The following CFAP410 variants were observed in gnomAD, a reference collection of about 807,000 sequenced individuals.
The protein encoded by CFAP410 is cilia and flagella associated protein 410, also known as cilia- and flagella-associated protein 410.
In CFAP410, 27 loss-of-function variants were observed where a neutral mutation model predicts 25.7. The ratio of observed to expected loss-of-function variants is 1.05; its 90% CI spans 0.77 to 1.45. The LOEUF (loss-of-function observed/expected upper bound fraction) is 1.45, where lower values mean the gene tolerates loss of function less well. Among genes scored for constraint, CFAP410 ranks in the 40% most tolerant of loss-of-function variants. The pLI, the probability that CFAP410 is intolerant of heterozygous loss-of-function variation, is 0.00. For synonymous variants in CFAP410, 178 were observed against 158.4 expected (o/e 1.12, Z -0.93); for missense variants, 428 against 354.1 (o/e 1.21, Z -1.67).
rs1043332223 is a variant in CFAP410 at position 44,338,319 on chromosome 21, C to A, written c.78-652G>T. ...GCCTGCACGGTGAGGCCAGTTGACA[C>A]GGCGCGGTCACTCTGCTGAGTCCCC... On this transcript the variant is annotated intron_variant, in intron 1 of 6. Coordinates refer to ENST00000339818, the MANE Select transcript of CFAP410 (RefSeq NM_004928.3). 14 of 1,289,278 alleles carry A rather than the reference C, an allele frequency of 1.1e-5. No homozygotes were observed. The African/African-American group carries it at 1.7e-4, about 15-fold the overall frequency. 79.9% of individuals were successfully genotyped at this position (1,289,278 alleles called of 1,614,324 possible).
intron 3 of CFAP410, chr21:44,333,642 T>G (rs2047694537): frequency 3.0e-6 from 1 of 328,774 alleles, no homozygotes; most frequent in Admixed American, 4.6e-5. Context: ...CCAGAAAAAC[T>G]CATGGCAAAA....
At chr21:44,339,011 TCCGGCTCCGCCCTCTCCCCGCC>T (rs1466268753) in intron 1 of CFAP410, 85 bp downstream of exon 1, 5 of 162,128 alleles carry the variant, frequency 3.1e-5, no homozygotes, top group Non-Finnish European at 4.3e-5. Flanking sequence ...GGCTCCTCCC[TCCGGCTCCGCCCTCTCCCCGCC>T]CCGGCTCCTC....
At position 44,339,254 on chromosome 21, in the gene CFAP410, G is replaced by T. The variant is rs1201364765; in HGVS notation, c.-60C>A. The T allele has an allele frequency of 3.5e-6, 4 of 1,128,250 alleles. No individual in the cohort carries two copies. The highest frequency in any genetic ancestry group is 3.9e-5 in the South Asian group (2 of 51,834). 69.9% of individuals were successfully genotyped at this position (1,128,250 alleles called of 1,614,324 possible). ...GGCCTCCTGATCCCGGGCGGGTGACGACTGCGCGGCGCGTGTCTCCAGGGG... is the reference window on the plus strand; with the variant it reads ...GGCCTCCTGATCCCGGGCGGGTGACTACTGCGCGGCGCGTGTCTCCAGGGG... On this transcript the variant is annotated 5_prime_UTR_variant, in exon 1 of 7. Coordinates refer to ENST00000339818, the MANE Select transcript of CFAP410 (RefSeq NM_004928.3).
intron 2 of CFAP410, among the ~76,000 whole-genome samples, chr21:44,337,083 T>TAAAAA (rs35988245): frequency 1.6e-5 from 2 of 121,862 alleles, no homozygotes; most frequent in African/African-American, 3.0e-5. Flanking sequence ...AGACTCCGTG[T>TAAAAA]AAAAAAAAAA....
intron 6 of CFAP410, 69 bp downstream of exon 6, chr21:44,330,754 C>A: frequency 6.4e-7 from 1 of 1,551,656 alleles, no homozygotes; most frequent in Non-Finnish European, 8.7e-7. Context: ...CATGCTCCCT[C>A]CCCACGGTTT....
chr21:44,334,821 C>T (rs987031337), intron 3 of CFAP410: 9 of 167,498 alleles, frequency 5.4e-5, no homozygotes, highest in African/African-American at 2.2e-4. Context: ...ATGGACTGGC[C>T]TCAGCCCATG....
intron 5 of CFAP410, 82 bp downstream of exon 5, chr21:44,331,761 C>G: frequency 7.5e-7 from 1 of 1,341,618 alleles, no homozygotes. Flanking sequence ...ACGCAGCTCA[C>G]GGGAAGCCCC....
chr21:44,333,882 G>A (rs1845271830), intron 3 of CFAP410: 1 of 355,904 alleles, frequency 2.8e-6, no homozygotes, highest in East Asian at 7.4e-5. Context: ...CCTCAAAGGC[G>A]CGGAGCCAGG....
intron 6 of CFAP410, 168 bp downstream of exon 6, chr21:44,330,655 A>G (rs1050634315): frequency 1.3e-6 from 2 of 1,548,420 alleles, no homozygotes; most frequent in Non-Finnish European, 1.7e-6. Context: ...GCGCATTCAC[A>G]GACCCGCACA....
intron 4 of CFAP410, 23 bp downstream of exon 4, chr21:44,333,010 G>T: frequency 6.6e-7 from 1 of 1,510,010 alleles, no homozygotes; most frequent in Non-Finnish European, 9.0e-7. Flanking sequence ...GGGAGGGCCG[G>T]TGACTCCGCT....
At chr21:44,334,861 C>T (rs1167650161) in intron 3 of CFAP410, 1 of 162,030 alleles carries the variant, frequency 6.2e-6, no homozygotes. Context: ...CGGGCATCAA[C>T]ATGGCAATGC....
At chr21:44,335,968 G>A (rs1225982205) in intron 2 of CFAP410, 164 bp from the exon 3 acceptor site, 3 of 588,746 alleles carry the variant, frequency 5.1e-6, no homozygotes, top group Non-Finnish European at 9.2e-6. Flanking sequence ...CCCAGGGCCT[G>A]AGGGGAGCGG....
At chr21:44,335,622 C>T (rs570783280) in intron 3 of CFAP410, 136 bp downstream of exon 3, 3 of 695,558 alleles carry the variant, frequency 4.3e-6, no homozygotes, top group South Asian at 1.8e-5. Flanking sequence ...CCCGGCCCCT[C>T]CCCTTCTGGA....
Position 44,339,310 on chromosome 21 carries a change from A to C in CFAP410, c.-116T>G, listed in dbSNP as rs1237711539. The C allele has an allele frequency of 1.7e-6, 1 of 594,962 alleles. No homozygotes were observed. Among genetic ancestry groups the C allele is most frequent in the African/African-American group, 2.0e-5 (1 of 50,936 alleles). The allele number at this position is 594,962 out of a possible 1,614,324, so 36.9% of individuals were successfully genotyped here. ...CCCGCGTCGTCAGGGGCGGATCCTGAGCCGATTGGCGGCTCGGTGAGGAGA... is the reference window on the plus strand; with the variant it reads ...CCCGCGTCGTCAGGGGCGGATCCTGCGCCGATTGGCGGCTCGGTGAGGAGA... On this transcript the variant is annotated 5_prime_UTR_variant, in exon 1 of 7. Transcript: ENST00000339818.
Position 44,339,244 on chromosome 21 carries a change from G to A in CFAP410, c.-50C>T. 1 of 1,239,636 alleles carries A rather than the reference G, an allele frequency of 8.1e-7. No homozygotes were observed. Among genetic ancestry groups the A allele is most frequent in the South Asian group, 1.7e-5 (1 of 57,756 alleles). The allele number at this position is 1,239,636 out of a possible 1,614,324, so 76.8% of individuals were successfully genotyped here. ...GGGCGCCCCCGGCCTCCTGATCCCG[G>A]GCGGGTGACGACTGCGCGGCGCGTG... is the stretch of plus-strand genomic sequence containing the variant. On this transcript the variant is annotated 5_prime_UTR_variant, in exon 1 of 7. Transcript: ENST00000339818.
chr21:44,330,138 G>A lies in CFAP410; in HGVS notation c.*60C>T, dbSNP rs934660513. The A allele has an allele frequency of 8.6e-6, 13 of 1,517,974 alleles. No individual in the cohort carries two copies. The highest frequency in any genetic ancestry group is 4.0e-5 in the Admixed American group (2 of 50,436). 94.0% of individuals were successfully genotyped at this position (1,517,974 alleles called of 1,614,324 possible). On this transcript the variant is annotated 3_prime_UTR_variant, in exon 7 of 7. Coordinates refer to ENST00000339818, the MANE Select transcript of CFAP410 (RefSeq NM_004928.3). ...CCATGGCAGCCACCCTCCAGCTCCC[G>A]GGGGCTGGGGAAGACGCTGGGGTCC...
chr21:44,332,834 T>G, intron 4 of CFAP410, 199 bp downstream of exon 4: 1 of 597,148 alleles, frequency 1.7e-6, no homozygotes. Context: ...GACCCTACGC[T>G]GCGCTGCTGC....
Position 44,330,081 on chromosome 21 carries a change from G to T in CFAP410, c.*117C>A. ...CTGCCCTCGGCCGATGTGGCAAACCGGGGAGGCTTTTGTGTGGGGCCGGGG... is the reference window on the plus strand; with the variant it reads ...CTGCCCTCGGCCGATGTGGCAAACCTGGGAGGCTTTTGTGTGGGGCCGGGG... On this transcript the variant is annotated 3_prime_UTR_variant, in exon 7 of 7. Transcript: ENST00000339818. The T allele has an allele frequency of 8.1e-7, 1 of 1,232,818 alleles. No individual in the cohort carries two copies. The allele number at this position is 1,232,818 out of a possible 1,614,324, so 76.4% of individuals were successfully genotyped here.
Position 44,330,836 on chromosome 21 carries a change from C to G in CFAP410, c.629G>C (p.Ser210Thr). Residue 210 changes from serine (S) to threonine (T), a missense_variant, in exon 6 of 7, where the codon AGC becomes ACC. By Grantham distance (58) the Ser-to-Thr change is moderately conservative. Transcript: ENST00000339818. ...CCCGCCACTCACCCTGCCCCTGTGG[C>G]TGCTCGAGGCATCCCTGGCTGAGAG... The part of the protein sequence containing the change: ...PSLSARDASS[S>T]HRGRNVLTAI... The G allele has an allele frequency of 6.2e-7, 1 of 1,604,204 alleles. No individual in the cohort carries two copies. Among genetic ancestry groups the G allele is most frequent in the Non-Finnish European group, 8.5e-7 (1 of 1,175,830 alleles).
Sources: allele counts gnomAD v4.1 joint callset (sites outside exome capture counted in the v4.1 genomes callset), GRCh38; gene constraint gnomAD v4.1.1; transcripts MANE v1.5; gene names NCBI Gene and HGNC (gene_info 2026-07-23, HGNC 2026-07-21).